Variants in TAAR5 observed in about 807,000 individuals in gnomAD.
TAAR5 encodes trace amine associated receptor 5, also known as trace amine-associated receptor 5.
TAAR5 carries 27 observed loss-of-function variants against 21.1 expected under a neutral mutation model. The ratio of observed to expected loss-of-function variants is 1.28; its 90% confidence interval spans 0.94 to 1.76. The LOEUF (loss-of-function observed/expected upper bound fraction) is 1.76, where lower values mean the gene tolerates loss of function less well. Among genes scored for constraint, TAAR5 ranks in the 40% most tolerant of loss-of-function variants. The pLI, the probability that TAAR5 is intolerant of heterozygous loss-of-function variation, is 0.00. For missense variants in TAAR5, 495 were observed against 405.6 expected, an observed-to-expected ratio of 1.22 and a Z score of -1.89; for synonymous variants, 203 against 167.5, an observed-to-expected ratio of 1.21 and a Z score of -1.64.
At chr6:132,607,432 T>C in the TAAR5 span, among the ~76,000 whole-genome samples, 1 of 152,112 alleles carries the variant, frequency 6.6e-6, no homozygotes, top group South Asian at 2.1e-4. Flanking sequence ...GTTAATGATC[T>C]GATTTAGATC....
chr6:132,597,518 A>T, the TAAR5 span, among the ~76,000 whole-genome samples: 8 of 152,210 alleles, frequency 5.3e-5, no homozygotes, highest in African/African-American at 1.9e-4. Context: ...TAACAGAATA[A>T]AGATTCCTTT....
At chr6:132,603,495 A>C in the TAAR5 span, among the ~76,000 whole-genome samples, 1 of 40,742 alleles carries the variant, frequency 2.5e-5, no homozygotes, top group African/African-American at 1.8e-4. Flanking sequence ...ATTTTCTCTC[A>C]AAAAAAAAAA....
At chr6:132,602,553 T>C in the TAAR5 span, among the ~76,000 whole-genome samples, 472 of 152,246 alleles carry the variant, frequency 3.1e-3, 1 homozygote, top group African/African-American at 0.011. Context: ...GTAAATGCAG[T>C]ACAGATGAAG....
chr6:132,616,196 A>T, the TAAR5 span, among the ~76,000 whole-genome samples: 1 of 152,188 alleles, frequency 6.6e-6, no homozygotes, highest in South Asian at 2.1e-4. Context: ...TTCTTTTTAG[A>T]GCCCAGTGTT....
chr6:132,591,035 C>T (rs935423606), upstream of TAAR5, among the ~76,000 whole-genome samples: 6 of 152,034 alleles, frequency 3.9e-5, no homozygotes, highest in Non-Finnish European at 5.9e-5. Flanking sequence ...TTTTTGAGCA[C>T]TATATTTTGT....
chr6:132,601,053 G>A, the TAAR5 span, among the ~76,000 whole-genome samples: 6 of 141,918 alleles, frequency 4.2e-5, no homozygotes, highest in South Asian at 2.4e-4. Flanking sequence ...AGGAAGGAGG[G>A]AAGGAGGGAA....
upstream of TAAR5, among the ~76,000 whole-genome samples, chr6:132,594,004 T>C (rs1244870392): frequency 2.6e-5 from 4 of 152,232 alleles, no homozygotes; most frequent in Non-Finnish European, 5.9e-5. Context: ...CAAGAAAGAT[T>C]TAGATAAACT....
At chr6:132,599,149 C>A in the TAAR5 span, among the ~76,000 whole-genome samples, 4 of 152,120 alleles carry the variant, frequency 2.6e-5, no homozygotes, top group African/African-American at 4.8e-5. Context: ...GGGGACTCTT[C>A]ATCACCACCA....
In TAAR5 at chr6:132,588,678, C is replaced by T. The variant is rs752628122; in HGVS notation, c.1009G>A (p.Glu337Lys). Residue 337 changes from glutamate to lysine, a missense_variant, in exon 1 of 1, where the codon GAA (glutamate) becomes AAA (lysine). Physicochemically the swap from Glu to Lys is moderately conservative, Grantham distance 56 (BLOSUM62 1). Transcript: ENST00000258034. ...PQTRTVDLYQ[E>K] ...CCTGCATTTAGTAGAAGGAATCATT[C>T]TTGGTACAAATCAACAGTGCGTGTC... 6.2e-7 allele frequency: 1 copy of T among 1,609,462 alleles called. No individual in the cohort carries two copies. Among genetic ancestry groups the T allele is most frequent in the Non-Finnish European group, 8.5e-7 (1 of 1,177,346 alleles).
Position 132,589,701 on chromosome 6 carries a change from C to A in TAAR5, c.-15G>T, listed in dbSNP as rs139987783. ...ACAGCTCTCATTTATGATTTCTACT[C>A]TTCCTCTGTCTGAGAACTGGCCACC... is the stretch of plus-strand genomic sequence containing the variant. On this transcript the variant is annotated 5_prime_UTR_variant, in exon 1 of 1. Transcript: ENST00000258034. The A allele has an allele frequency of 2.5e-6, 3 of 1,223,244 alleles. No homozygotes were observed. In the South Asian group the frequency reaches 4.5e-5, roughly 18 times the overall value. 75.8% of individuals were successfully genotyped at this position (1,223,244 alleles called of 1,614,324 possible).
rs769313786 is a variant in TAAR5 at position 132,588,865 on chromosome 6, GA to G, written c.821del (p.Val274AlafsTer43). On this transcript the variant is annotated frameshift_variant, in exon 1 of 1. Transcript: ENST00000258034. LOFTEE classifies it high-confidence loss of function. ...GTGTGATAAAGTGAAGGAGGCTGTC[GA>G]CCATCGTGTCTATGGTGAAGGGCAG... ...CWLPFTIDTM[V>X]DSLLHFITPP... The G allele has an allele frequency of 2.4e-5, 38 of 1,613,892 alleles. No individual in the cohort carries two copies. Among genetic ancestry groups the G allele is most frequent in the Admixed American group, 6.7e-5 (4 of 59,994 alleles).
At chr6:132,610,963 G>A in the TAAR5 span, among the ~76,000 whole-genome samples, 3 of 152,180 alleles carry the variant, frequency 2.0e-5, no homozygotes, top group African/African-American at 7.2e-5. Flanking sequence ...ATAGGAAACA[G>A]AAGAGCAGAG....
the TAAR5 span, among the ~76,000 whole-genome samples, chr6:132,616,322 C>A: frequency 6.6e-6 from 1 of 152,038 alleles, no homozygotes; most frequent in South Asian, 2.1e-4. Flanking sequence ...TTAAAAAATA[C>A]ATGTATAAAT....
chr6:132,604,522 G>C, the TAAR5 span, among the ~76,000 whole-genome samples: 55,660 of 151,798 alleles, frequency 0.37, 10,548 homozygotes, highest in African/African-American at 0.41. Context: ...AAAAAAATTA[G>C]CCAAATGGAA....
At chr6:132,608,430 G>C in the TAAR5 span, 1 of 455,910 alleles carries the variant, frequency 2.2e-6, no homozygotes, top group Non-Finnish European at 4.4e-6. Context: ...GAGTGGAGTA[G>C]TCTAGGTATG....
the TAAR5 span, among the ~76,000 whole-genome samples, chr6:132,597,562 C>T: frequency 6.6e-6 from 1 of 152,114 alleles, no homozygotes; most frequent in African/African-American, 2.4e-5. Context: ...AAGATAGATA[C>T]AGCATTTTTT....
chr6:132,613,133 A>T, the TAAR5 span, among the ~76,000 whole-genome samples: 1 of 152,216 alleles, frequency 6.6e-6, no homozygotes, highest in Non-Finnish European at 1.5e-5. Flanking sequence ...AAGATATATT[A>T]TGTGATGCAG....
Position 132,589,087 on chromosome 6 carries a change from C to T in TAAR5, c.600G>A (p.Trp200Ter), listed in dbSNP as rs757605842. Reference sequence around the variant, plus strand: ...AGAACAAAGGGAAGTTTAACCAGCCCCAAAATTTATTGAGCAGCAGCTGGC... The same window carrying T: ...AGAACAAAGGGAAGTTTAACCAGCCTCAAAATTTATTGAGCAGCAGCTGGC... Reference protein sequence around the residue: ...GSCQLLLNKFWGWLNFPLFFV... With the variant: ...GSCQLLLNKF The change falls in exon 1 of 1, where the codon TGG (tryptophan) becomes TGA (stop). Residue 200 changes from tryptophan (W) to a stop codon, truncating the protein, a stop_gained. Coordinates refer to ENST00000258034, the MANE Select transcript of TAAR5 (RefSeq NM_003967.3). LOFTEE classifies it high-confidence loss of function. 1.2e-6 allele frequency: 2 copies of T among 1,613,992 alleles called. No homozygotes were observed. Among genetic ancestry groups the T allele is most frequent in the Non-Finnish European group, 1.7e-6 (2 of 1,179,986 alleles).
rs745453427 is a variant in TAAR5, at chr6:132,589,269, G to A, written c.418C>T (p.Leu140=). Reference sequence around the variant, plus strand: ...ACTGTGAACTTGGAGGGATAGAGCAGGGGGTCACAGATGGCACAGTGGCGG... The same window carrying A: ...ACTGTGAACTTGGAGGGATAGAGCAAGGGGTCACAGATGGCACAGTGGCGG... ...IDRHCAICDP[L]LYPSKFTVRV... The change falls in exon 1 of 1, where the codon CTG becomes TTG. Residue 140 remains leucine, a synonymous_variant. Coordinates refer to ENST00000258034, the MANE Select transcript of TAAR5 (RefSeq NM_003967.3). The A allele has an allele frequency of 6.8e-6, 11 of 1,610,710 alleles. No homozygotes were observed. The highest frequency in any genetic ancestry group is 1.3e-5 in the African/African-American group (1 of 75,016).
Sources: allele counts gnomAD v4.1 joint callset (sites outside exome capture counted in the v4.1 genomes callset), GRCh38; gene constraint gnomAD v4.1.1; transcripts MANE v1.5; gene names NCBI Gene and HGNC (gene_info 2026-07-23, HGNC 2026-07-21).